NVL: variants seen among roughly 807,000 people sequenced by gnomAD.
The protein encoded by NVL is nuclear valosin-containing protein-like.
A neutral mutation model predicts 110.2 loss-of-function variants in NVL; 84 were observed. The observed-to-expected ratio is 0.76, with a 90% CI of 0.64 to 0.91. NVL has a LOEUF of 0.91. NVL is among the 40% of genes least tolerant of loss of function. The pLI, the probability that NVL is intolerant of heterozygous loss-of-function variation, is 0.00. For missense variants in NVL, 882 were observed against 1,035.9 expected (o/e 0.85, Z 2.04); for synonymous variants, 354 against 361.1 (o/e 0.98, Z 0.22).
intron 19 of NVL, among the ~76,000 whole-genome samples, chr1:224,244,472 G>C (rs1262018220): frequency 1.3e-5 from 2 of 151,984 alleles, no homozygotes; most frequent in Non-Finnish European, 2.9e-5. Flanking sequence ...GTAGTATATG[G>C]CTCGCTCTTT....
chr1:224,268,017 A>T lies in NVL; in HGVS notation c.2182+17T>A, dbSNP rs945897300. ...AGTTTTTAGATTCATCTGTGTTACA[A>T]TATTTTTATTTCTTACCTGGCCTGT... On this transcript the variant is annotated intron_variant, in intron 18 of 22. Transcript: ENST00000281701. The T allele has an allele frequency of 6.4e-7, 1 of 1,565,048 alleles. No homozygotes were observed. The highest frequency in any genetic ancestry group is 1.1e-5 in the South Asian group (1 of 89,234).
chr1:224,242,129 G>A (rs1385027519), intron 19 of NVL, among the ~76,000 whole-genome samples: 1 of 152,144 alleles, frequency 6.6e-6, no homozygotes, highest in Non-Finnish European at 1.5e-5. Flanking sequence ...GTAGAATGGT[G>A]GTTGCCAGGG....
intron 15 of NVL, among the ~76,000 whole-genome samples, chr1:224,284,341 A>G (rs191195580): frequency 6.6e-6 from 1 of 152,322 alleles, no homozygotes; most frequent in African/African-American, 2.4e-5. Context: ...ACAATTCACA[A>G]AGAAATATAG....
Position 224,250,333 on chromosome 1 carries a change from A to AG in NVL, c.2183-16dup. 6.5e-7 allele frequency: 1 copy of AG among 1,532,536 alleles called. No individual in the cohort carries two copies. Among genetic ancestry groups the AG allele is most frequent in the African/African-American group, 1.4e-5 (1 of 70,338 alleles). The allele number at this position is 1,532,536 out of a possible 1,614,324, so 94.9% of individuals were successfully genotyped here. ...GTCAATTATATCTAGAGAAGAAGGGAGAAAAAAAGTCTTAAATAAAACCTT... is the reference window on the plus strand; with the variant it reads ...GTCAATTATATCTAGAGAAGAAGGGAGGAAAAAAAGTCTTAAATAAAACCTT... On this transcript the variant is annotated splice_polypyrimidine_tract_variant and intron_variant, in intron 18 of 22. Transcript: ENST00000281701.
chr1:224,296,758 CAT>C, intron 10 of NVL, 140 bp from the exon 11 acceptor site: 3 of 545,418 alleles, frequency 5.5e-6, no homozygotes, highest in Non-Finnish European at 9.5e-6. Context: ...AGGCAGTTCA[CAT>C]GTGTTACTTC....
intron 19 of NVL, among the ~76,000 whole-genome samples, chr1:224,245,560 G>A (rs1215877230): frequency 1.3e-5 from 2 of 152,148 alleles, no homozygotes; most frequent in Non-Finnish European, 2.9e-5. Flanking sequence ...GAGCAAAAAT[G>A]CACTCTCAAG....
intron 2 of NVL, among the ~76,000 whole-genome samples, chr1:224,322,847 G>A (rs368139035): frequency 2.2e-4 from 33 of 152,162 alleles, no homozygotes; most frequent in African/African-American, 7.9e-4. Context: ...CCAGCCCCTC[G>A]GGAGGCTGAG....
chr1:224,321,325 A>G (rs1042649086), intron 2 of NVL, among the ~76,000 whole-genome samples: 2 of 152,218 alleles, frequency 1.3e-5, no homozygotes, highest in Non-Finnish European at 2.9e-5. Flanking sequence ...CTCATGAGCC[A>G]TACAAAACAA....
intron 12 of NVL, among the ~76,000 whole-genome samples, chr1:224,290,030 T>G (rs954850937): frequency 1.3e-5 from 2 of 152,168 alleles, no homozygotes; most frequent in Non-Finnish European, 2.9e-5. Flanking sequence ...ACAGGGGAAA[T>G]AAGATAAATA....
intron 12 of NVL, among the ~76,000 whole-genome samples, chr1:224,291,274 C>T (rs943069502): frequency 2.0e-5 from 3 of 152,172 alleles, no homozygotes; most frequent in Middle Eastern, 3.4e-3. Flanking sequence ...GGCACGATCT[C>T]GGCTCACCGC....
intron 14 of NVL, among the ~76,000 whole-genome samples, chr1:224,287,415 C>A (rs2102622685): frequency 6.6e-6 from 1 of 152,050 alleles, no homozygotes; most frequent in South Asian, 2.1e-4. Flanking sequence ...TTCAAAACAG[C>A]TAGAAGAAAA....
Position 224,317,692 on chromosome 1 carries a change from A to ACTC in NVL, c.283_284+1dup, listed in dbSNP as rs757700631. The ACTC allele has an allele frequency of 1.2e-4, 184 of 1,543,660 alleles. No individual in the cohort carries two copies. The highest frequency in any genetic ancestry group is 1.6e-4 in the Non-Finnish European group (179 of 1,118,528). ...AAAAAACCCTGCATTTGGTATACTT[A>ACTC]CTCATTATCCTCTTCACCTTGTCTT... On this transcript the variant is annotated splice_donor_variant, in intron 4 of 22. Coordinates refer to ENST00000281701, the MANE Select transcript of NVL (RefSeq NM_002533.4). LOFTEE classifies it high-confidence loss of function.
At chr1:224,246,934 G>T (rs955431159) in intron 19 of NVL, among the ~76,000 whole-genome samples, 1 of 151,944 alleles carries the variant, frequency 6.6e-6, no homozygotes, top group Non-Finnish European at 1.5e-5. Context: ...CCAGCTGCGT[G>T]GGGAGGCTGA....
At chr1:224,251,567 G>C (rs1226114774) in intron 18 of NVL, among the ~76,000 whole-genome samples, 2 of 152,132 alleles carry the variant, frequency 1.3e-5, no homozygotes, top group Admixed American at 1.3e-4. Flanking sequence ...TTGAACCTGG[G>C]AGGCGGAGGC....
Position 224,227,527 on chromosome 1 carries a change from G to A in NVL, c.*99C>T. On this transcript the variant is annotated 3_prime_UTR_variant, in exon 23 of 23. Coordinates refer to ENST00000281701, the MANE Select transcript of NVL (RefSeq NM_002533.4). ...TTTGAAAATAAAATGTTTACATGAG[G>A]CCGCGCCTGTGTCCAGCTGAAAGTG... 1.0e-6 allele frequency: 1 copy of A among 987,940 alleles called. No homozygotes were observed. Among genetic ancestry groups the A allele is most frequent in the Non-Finnish European group, 1.5e-6 (1 of 668,414 alleles). The allele number at this position is 987,940 out of a possible 1,614,324, so 61.2% of individuals were successfully genotyped here.
intron 7 of NVL, 84 bp downstream of exon 7, chr1:224,304,950 C>G (rs921927825): frequency 6.4e-7 from 1 of 1,556,376 alleles, no homozygotes; most frequent in Non-Finnish European, 8.8e-7. Context: ...CATAGAAGGT[C>G]CCTCAAGCAA....
chr1:224,249,718 C>T (rs1299435163), intron 19 of NVL, among the ~76,000 whole-genome samples: 8 of 152,148 alleles, frequency 5.3e-5, no homozygotes, highest in Non-Finnish European at 1.0e-4. Flanking sequence ...GCACTCCAGC[C>T]TGGGTGACAG....
At chr1:224,246,423 G>C (rs940622814) in intron 19 of NVL, among the ~76,000 whole-genome samples, 12 of 152,208 alleles carry the variant, frequency 7.9e-5, no homozygotes, top group African/African-American at 2.2e-4. Flanking sequence ...GTATAAAGTT[G>C]TTCTGGTGTG....
chr1:224,287,360 G>A (rs780061836), intron 14 of NVL, among the ~76,000 whole-genome samples: 18 of 151,982 alleles, frequency 1.2e-4, no homozygotes, highest in African/African-American at 2.9e-4. Context: ...TTGATAGCAC[G>A]GTAGGGAAAT....
Sources: allele counts gnomAD v4.1 joint callset (sites outside exome capture counted in the v4.1 genomes callset), GRCh38; gene constraint gnomAD v4.1.1; transcripts MANE v1.5; gene names NCBI Gene and HGNC (gene_info 2026-07-23, HGNC 2026-07-21).